ERC1: variants seen among roughly 807,000 people sequenced by gnomAD.
ERC1 encodes the protein RAB6 interacting protein 2.
A neutral mutation model predicts 132.0 loss-of-function variants in ERC1; 56 were observed. The ratio of observed to expected loss-of-function variants is 0.42; its 90% CI spans 0.34 to 0.53. The LOEUF (loss-of-function observed/expected upper bound fraction) is 0.53, where lower values mean the gene tolerates loss of function less well. ERC1 is among the 20% of genes least tolerant of loss of function. ERC1 has a pLI of 0.03. For synonymous variants in ERC1, 478 were observed against 476.1 expected (o/e 1.00, Z -0.05); for missense variants, 1,202 against 1,349.9 (o/e 0.89, Z 1.72).
At position 1,263,227 on chromosome 12, in the gene ERC1, A is replaced by G. The variant is rs528687173; in HGVS notation, c.2619+62A>G. ...GTTAACCAAAAGGTAACACACAACC[A>G]GTATAGTTTAGGTAAACTATACATA... On this transcript the variant is annotated intron_variant, in intron 14 of 18. Coordinates refer to ENST00000360905, the MANE Select transcript of ERC1 (RefSeq NM_178040.4). The G allele has an allele frequency of 1.2e-5, 18 of 1,535,020 alleles. No individual in the cohort carries two copies. In the East Asian group the frequency reaches 1.4e-4, roughly 12 times the overall value.
intron 2 of ERC1, among the ~76,000 whole-genome samples, chr12:1,063,240 T>TTGCA (rs1390178580): frequency 1.3e-5 from 1 of 74,508 alleles, no homozygotes; most frequent in East Asian, 4.4e-4. Context: ...GGCTGATTTT[T>TTGCA]TGCATGTATG....
chr12:1,381,375 A>G (rs900121756), intron 16 of ERC1: 1 of 133,754 alleles, frequency 7.5e-6, no homozygotes, highest in African/African-American at 2.8e-5. Flanking sequence ...TAATAAAGAC[A>G]GAGACTCACT....
chr12:1,324,144 C>T (rs2154355125), intron 15 of ERC1, among the ~76,000 whole-genome samples: 1 of 152,282 alleles, frequency 6.6e-6, no homozygotes, highest in East Asian at 1.9e-4. Context: ...TGATAAATTA[C>T]AATGAGCAAG....
chr12:1,267,586 T>A (rs1483651502), intron 14 of ERC1, among the ~76,000 whole-genome samples: 2 of 152,128 alleles, frequency 1.3e-5, no homozygotes, highest in Non-Finnish European at 2.9e-5. Context: ...ATGCGAGGCC[T>A]CGTCTCTACA....
Position 1,112,873 on chromosome 12 carries a change from T to G in ERC1, c.1401+575T>G, listed in dbSNP as rs371568151. 1.1e-4 allele frequency among the ~76,000 whole-genome samples: 17 copies of G among 152,316 alleles called. No homozygotes were observed. In the South Asian group the frequency reaches 3.3e-3, roughly 30 times the overall value. ...ATCTAGTTCAATATTCTAATGAACT[T>G]AAAATTTCAATTCAGAACATAATAA... On this transcript the variant is annotated intron_variant, in intron 6 of 18. Coordinates refer to ENST00000360905, the MANE Select transcript of ERC1 (RefSeq NM_178040.4).
intron 11 of ERC1, among the ~76,000 whole-genome samples, chr12:1,188,429 C>T (rs2154276075): frequency 6.6e-6 from 1 of 152,266 alleles, no homozygotes. Flanking sequence ...GAATTTCCCT[C>T]CTACAATTAA....
intron 4 of ERC1, among the ~76,000 whole-genome samples, chr12:1,109,821 G>A (rs1945654503): frequency 6.6e-6 from 1 of 152,202 alleles, no homozygotes. Context: ...GCCAAGACAG[G>A]TGTATCACGT....
At chr12:1,093,340 G>A (rs956468274) in intron 3 of ERC1, among the ~76,000 whole-genome samples, 2 of 152,176 alleles carry the variant, frequency 1.3e-5, no homozygotes, top group Non-Finnish European at 2.9e-5. Flanking sequence ...TTGACTGTTA[G>A]AAGAGTGGGG....
At chr12:1,199,501 T>C (rs988277743) in intron 12 of ERC1, among the ~76,000 whole-genome samples, 1 of 152,178 alleles carries the variant, frequency 6.6e-6, no homozygotes, top group African/African-American at 2.4e-5. Flanking sequence ...CCAGGCACGG[T>C]GGTTCACGCC....
intron 1 of ERC1, among the ~76,000 whole-genome samples, chr12:1,016,665 T>C (rs1219139221): frequency 6.8e-6 from 1 of 147,828 alleles, no homozygotes; most frequent in Non-Finnish European, 1.5e-5. Context: ...TTTTTTTGGA[T>C]ACACTGTTTC....
intron 12 of ERC1, among the ~76,000 whole-genome samples, chr12:1,225,038 A>G (rs1472715751): frequency 6.6e-6 from 1 of 152,172 alleles, no homozygotes; most frequent in Non-Finnish European, 1.5e-5. Context: ...AAAGAAAAAA[A>G]CATGCTTAAT....
chr12:1,165,327 A>G (rs1952294733), intron 8 of ERC1, among the ~76,000 whole-genome samples: 1 of 149,644 alleles, frequency 6.7e-6, no homozygotes, highest in African/African-American at 2.5e-5. Flanking sequence ...TTTTTTTGAG[A>G]TGGAGTCTCG....
chr12:1,184,077 A>G (rs1483279594), intron 11 of ERC1, among the ~76,000 whole-genome samples: 2 of 150,580 alleles, frequency 1.3e-5, no homozygotes, highest in Non-Finnish European at 2.9e-5. Flanking sequence ...CAGAGGTTGC[A>G]TTGAGCCAAG....
Position 1,394,182 on chromosome 12 carries a change from C to T in ERC1, c.2926-13967C>T, listed in dbSNP as rs556274885. On this transcript the variant is annotated intron_variant, in intron 16 of 18. Coordinates refer to ENST00000360905, the MANE Select transcript of ERC1 (RefSeq NM_178040.4). ...TTGGGAGGCCAAGGCGGGCAGATCA[C>T]GAGGTCAGGAGATCGAGACCATCCT... 5.1e-4 allele frequency among the ~76,000 whole-genome samples: 78 copies of T among 151,764 alleles called. No homozygotes were observed. The South Asian group carries it at 9.4e-3, about 18-fold the overall frequency.
At chr12:1,065,750 C>T (rs778500324) in intron 2 of ERC1, among the ~76,000 whole-genome samples, 22 of 151,794 alleles carry the variant, frequency 1.4e-4, no homozygotes, top group Non-Finnish European at 3.1e-4. Flanking sequence ...AGCTTTTGTG[C>T]AGAAATACTT....
chr12:1,106,662 C>G (rs932880628), intron 4 of ERC1, among the ~76,000 whole-genome samples: 1 of 151,926 alleles, frequency 6.6e-6, no homozygotes, highest in Non-Finnish European at 1.5e-5. Context: ...TAGAATCGTT[C>G]AGTTGCATGG....
intron 8 of ERC1, among the ~76,000 whole-genome samples, chr12:1,179,500 C>CTTTTTTTTTT (rs58317880): frequency 2.2e-4 from 21 of 95,756 alleles, no homozygotes; most frequent in East Asian, 1.1e-3. Flanking sequence ...ATTCATTTTT[C>CTTTTTTTTTT]TTTTTTTTTT....
intron 1 of ERC1, among the ~76,000 whole-genome samples, chr12:1,013,836 G>A (rs1179605142): frequency 1.3e-5 from 2 of 152,094 alleles, no homozygotes; most frequent in Non-Finnish European, 2.9e-5. Context: ...GGCTCAAGCT[G>A]TCTTACTGCT....
At chr12:1,430,882 G>C (rs1341447145) in intron 17 of ERC1, 1 of 152,316 alleles carries the variant, frequency 6.6e-6, no homozygotes, top group East Asian at 1.9e-4. Flanking sequence ...TTGTCCTGGA[G>C]AGTGATGCTG....
Sources: gnomAD v4.1 joint callset for allele counts (sites outside exome capture counted in the v4.1 genomes callset) on GRCh38, gnomAD v4.1.1 for gene constraint, MANE v1.5 for transcripts, NCBI Gene and HGNC (gene_info 2026-07-23, HGNC 2026-07-21) for gene names.